CNTLN: variants seen among roughly 807,000 people sequenced by gnomAD.
CNTLN encodes the protein centlein, also known as centlein, centrosomal protein.
CNTLN carries 212 observed loss-of-function variants against 180.0 expected under a neutral mutation model. That is an observed-to-expected ratio of 1.18 (90% CI 1.05 to 1.32). The LOEUF is 1.32. Among genes scored for constraint, CNTLN ranks in the 40% most tolerant of loss-of-function variants. The probability of loss-of-function intolerance (pLI) is 0.00; values close to 1 mark genes in which losing one functional copy is unlikely to be tolerated. For missense variants in CNTLN, 2,095 were observed against 1,610.9 expected, an observed-to-expected ratio of 1.30 and a Z score of -5.14; for synonymous variants, 722 against 563.1, an observed-to-expected ratio of 1.28 and a Z score of -3.99.
At chr9:17,506,957 T>C (rs1016573550), downstream of CNTLN, among the ~76,000 whole-genome samples, 2 of 152,108 alleles carry the variant, frequency 1.3e-5, no homozygotes, top group Non-Finnish European at 2.9e-5. Flanking sequence ...ACCTCAAACA[T>C]TTATTACTTA....
chr9:17,146,340 G>C (rs1322827924), intron 2 of CNTLN, among the ~76,000 whole-genome samples: 1 of 151,628 alleles, frequency 6.6e-6, no homozygotes, highest in Non-Finnish European at 1.5e-5. Flanking sequence ...CTCCTCAGTG[G>C]CCTTTGTACT....
intron 5 of CNTLN, among the ~76,000 whole-genome samples, chr9:17,269,140 A>G (rs1171212271): frequency 6.6e-6 from 1 of 151,936 alleles, no homozygotes; most frequent in Admixed American, 6.6e-5. Context: ...TCATGCTGGG[A>G]ACTGTAGACC....
In CNTLN at chr9:17,320,394, C is replaced by CTT. The variant is rs5896734; in HGVS notation, c.1342-10230_1342-10229dup. Reference sequence around the variant, plus strand: ...TGTACTCTTTCCTGATTCCATCTTTCTTTTTTTTTCCATGAAGATAACTAC... The same window carrying CTT: ...TGTACTCTTTCCTGATTCCATCTTTCTTTTTTTTTTTCCATGAAGATAACTAC... On this transcript the variant is annotated intron_variant, in intron 8 of 25. Transcript: ENST00000380647. Among the ~76,000 whole-genome samples, 9 of 151,224 alleles carry CTT rather than the reference C, an allele frequency of 6.0e-5. No individual in the cohort carries two copies. The East Asian group carries it at 7.7e-4, about 13-fold the overall frequency.
intron 5 of CNTLN, among the ~76,000 whole-genome samples, chr9:17,244,085 G>A (rs1190668497): frequency 6.6e-6 from 1 of 151,740 alleles, no homozygotes; most frequent in Admixed American, 6.6e-5. Context: ...TATAGTTGTT[G>A]TCTTGAAATC....
At chr9:17,426,762 A>T (rs1036993520) in intron 18 of CNTLN, among the ~76,000 whole-genome samples, 6 of 151,980 alleles carry the variant, frequency 3.9e-5, no homozygotes, top group Non-Finnish European at 8.8e-5. Flanking sequence ...ATGTTTCTAC[A>T]TGTGTGTACA....
At chr9:17,431,461 T>C (rs1423468163) in intron 18 of CNTLN, among the ~76,000 whole-genome samples, 1 of 152,208 alleles carries the variant, frequency 6.6e-6, no homozygotes, top group Non-Finnish European at 1.5e-5. Context: ...TTCAGATGGA[T>C]ACTTTGCAAA....
chr9:17,164,669 A>G (rs573126282), intron 2 of CNTLN, among the ~76,000 whole-genome samples: 1 of 151,480 alleles, frequency 6.6e-6, no homozygotes, highest in South Asian at 2.1e-4. Flanking sequence ...CTCGTCTCGA[A>G]TTCCTGACCT....
intron 12 of CNTLN, among the ~76,000 whole-genome samples, chr9:17,347,946 C>T (rs538984524): frequency 6.6e-6 from 1 of 152,008 alleles, no homozygotes; most frequent in African/African-American, 2.4e-5. Context: ...ATTCTTCTGC[C>T]TCAGCCTCCT....
At chr9:17,391,521 T>C (rs1247894430) in intron 14 of CNTLN, among the ~76,000 whole-genome samples, 2 of 152,128 alleles carry the variant, frequency 1.3e-5, no homozygotes, top group Admixed American at 6.5e-5. Flanking sequence ...CTTTGGTGTG[T>C]TGTATTCTGA....
intron 23 of CNTLN, among the ~76,000 whole-genome samples, chr9:17,475,439 A>T (rs950523062): frequency 6.6e-6 from 1 of 151,760 alleles, no homozygotes; most frequent in Non-Finnish European, 1.5e-5. Context: ...TTTAATTTGT[A>T]AAGAATATGA....
intron 8 of CNTLN, among the ~76,000 whole-genome samples, chr9:17,323,265 G>A (rs1316718029): frequency 6.6e-6 from 1 of 152,136 alleles, no homozygotes; most frequent in Non-Finnish European, 1.5e-5. Context: ...CCCAAAGGTA[G>A]TCATACATTA....
chr9:17,470,698 G>A (rs964066948), intron 23 of CNTLN, among the ~76,000 whole-genome samples: 1 of 151,946 alleles, frequency 6.6e-6, no homozygotes, highest in African/African-American at 2.4e-5. Context: ...GTTTGACTCA[G>A]CCCTGATACA....
intron 25 of CNTLN, among the ~76,000 whole-genome samples, chr9:17,489,354 G>C (rs776593772): frequency 6.6e-6 from 1 of 151,944 alleles, no homozygotes; most frequent in Non-Finnish European, 1.5e-5. Context: ...TCACATTGTG[G>C]AATAACTGAA....
chr9:17,223,921 C>A (rs554894235), intron 2 of CNTLN, among the ~76,000 whole-genome samples: 4 of 151,938 alleles, frequency 2.6e-5, no homozygotes, highest in African/African-American at 9.7e-5. Flanking sequence ...TTTGAATATA[C>A]CAATTGCTCT....
At chr9:17,240,299 A>G (rs187505210) in intron 5 of CNTLN, among the ~76,000 whole-genome samples, 1 of 152,204 alleles carries the variant, frequency 6.6e-6, no homozygotes, top group East Asian at 1.9e-4. Context: ...TTGTATACTG[A>G]TCTTGTATCC....
chr9:17,367,375 C>G (rs1256052026), intron 13 of CNTLN, among the ~76,000 whole-genome samples: 1 of 149,492 alleles, frequency 6.7e-6, no homozygotes, highest in East Asian at 2.0e-4. Flanking sequence ...CTCATTACCA[C>G]AGGACTTTGG....
chr9:17,377,278 G>C (rs1215962201), intron 13 of CNTLN, among the ~76,000 whole-genome samples: 2 of 152,148 alleles, frequency 1.3e-5, no homozygotes, highest in African/African-American at 4.8e-5. Context: ...AGGCGCGGTG[G>C]CTCACGCCTG....
intron 18 of CNTLN, among the ~76,000 whole-genome samples, chr9:17,426,828 A>T (rs113589701): frequency 1.1e-4 from 16 of 152,138 alleles, no homozygotes; most frequent in African/African-American, 3.9e-4. Context: ...TAATTCCTTG[A>T]ACCCTGTCTT....
chr9:17,415,900 T>C lies in CNTLN; in HGVS notation c.2890+19T>C, dbSNP rs1447750037. 2.5e-6 allele frequency: 4 copies of C among 1,590,640 alleles called. No individual in the cohort carries two copies. In the Admixed American group the frequency reaches 5.1e-5, roughly 20 times the overall value. The stretch of plus-strand genomic sequence containing the variant: ...ACTAGAGGTAAGAATGTATATGCAA[T>C]TAACAATATGTCTTTTACAATTTAA... On this transcript the variant is annotated intron_variant, in intron 17 of 25. Coordinates refer to ENST00000380647, the MANE Select transcript of CNTLN (RefSeq NM_017738.4).
Sources: allele counts gnomAD v4.1 joint callset (sites outside exome capture counted in the v4.1 genomes callset), GRCh38; gene constraint gnomAD v4.1.1; transcripts MANE v1.5; gene names NCBI Gene and HGNC (gene_info 2026-07-23, HGNC 2026-07-21).